Variants in RAB11FIP5 observed in about 807,000 individuals in gnomAD.
RAB11FIP5 encodes the protein RAB11 family interacting protein 5, also known as rab11 family-interacting protein 5.
RAB11FIP5 carries 48 observed loss-of-function variants against 85.1 expected under a neutral mutation model. The ratio of observed to expected loss-of-function variants is 0.56; its 90% CI spans 0.45 to 0.72. The LOEUF is 0.72. Ranked by LOEUF, RAB11FIP5 falls within the 30% of genes least tolerant of loss-of-function variation. The pLI, the probability that RAB11FIP5 is intolerant of heterozygous loss-of-function variation, is 0.00. For synonymous variants in RAB11FIP5, 729 were observed against 727.3 expected (o/e 1.00, Z -0.04); for missense variants, 1,491 against 1,687.0 (o/e 0.88, Z 2.04).
chr2:73,078,818 C>A lies in RAB11FIP5; in HGVS notation c.3581+833G>T, dbSNP rs1683910403. Among the ~76,000 whole-genome samples, 2 of 152,186 alleles carry A rather than the reference C, an allele frequency of 1.3e-5. No homozygotes were observed. Among genetic ancestry groups the A allele is most frequent in the Non-Finnish European group, 2.9e-5 (2 of 68,038 alleles). ...GGGACTTGCTGCCTTCTAAGTCACA[C>A]CCCATCACCTCCCAGTGCCCTGAGT... On this transcript the variant is annotated intron_variant, in intron 4 of 5. Transcript: ENST00000486777. The surrounding 1 kb of genome is among the most constrained non-coding windows in gnomAD (Gnocchi z 4.4).
rs895997251 is a variant in RAB11FIP5 at position 73,080,808 on chromosome 2, A to C, written c.2424T>G (p.Ala808=). 1.6e-6 allele frequency: 2 copies of C among 1,232,286 alleles called. No homozygotes were observed. Among genetic ancestry groups the C allele is most frequent in the Non-Finnish European group, 2.0e-6 (2 of 988,146 alleles). 76.3% of individuals were successfully genotyped at this position (1,232,286 alleles called of 1,614,324 possible). Residue 808 remains alanine, a synonymous_variant, in exon 4 of 6, where the codon GCT becomes GCG. Coordinates refer to ENST00000486777, the MANE Select transcript of RAB11FIP5 (RefSeq NM_001371272.1). ...GGGAGGACTCATCGTCCTGGCCCTC[A>C]GCAGCGCTCTCTGGGCCCGGCAGCC... ...WERLPGPESA[A]EGQDDESSRG...
In RAB11FIP5 at chr2:73,112,577, G is replaced by T. The variant is rs747442851; in HGVS notation, c.201C>A (p.Pro67=). ...TSVVEKTHGC[P]EWREECSFEL... ...CGAAGGAGCACTCCTCACGCCACTC[G>T]GGGCAGCCGTGCGTCTTCTCCACCA... The change falls in exon 1 of 6, where the codon CCC becomes CCA. Residue 67 remains proline, a synonymous_variant. Coordinates refer to ENST00000486777, the MANE Select transcript of RAB11FIP5 (RefSeq NM_001371272.1). The T allele has an allele frequency of 3.1e-6, 5 of 1,592,936 alleles. No homozygotes were observed. The Admixed American group carries it at 6.9e-5, about 22-fold the overall frequency.
rs1683928394 is a variant in RAB11FIP5 at position 73,079,633 on chromosome 2, C to T, written c.3581+18G>A. The T allele has an allele frequency of 8.1e-7, 1 of 1,232,834 alleles. No homozygotes were observed. The highest frequency in any genetic ancestry group is 1.5e-5 in the African/African-American group (1 of 64,544). The allele number at this position is 1,232,834 out of a possible 1,614,324, so 76.4% of individuals were successfully genotyped here. On this transcript the variant is annotated intron_variant, in intron 4 of 5. Transcript: ENST00000486777. ...CACCCCCTTCCTCCTGGACAGTGTT[C>T]TGGGGGTGGATGCTCACCTGGCACT...
At chr2:73,079,574 C>A in intron 4 of RAB11FIP5, 77 bp downstream of exon 4, 1 of 1,229,518 alleles carries the variant, frequency 8.1e-7, no homozygotes, top group Non-Finnish European at 1.0e-6. Flanking sequence ...GGAGTGTGAA[C>A]CCCTCAGTCC....
chr2:73,105,373 G>A (rs143506085), intron 1 of RAB11FIP5, among the ~76,000 whole-genome samples: 43 of 152,284 alleles, frequency 2.8e-4, no homozygotes, highest in African/African-American at 1.0e-3. Context: ...CTCCTGAGTA[G>A]CTGGGACTAC....
At chr2:73,107,391 C>T (rs556135648) in intron 1 of RAB11FIP5, among the ~76,000 whole-genome samples, 66 of 152,262 alleles carry the variant, frequency 4.3e-4, no homozygotes, top group Non-Finnish European at 8.8e-4. Context: ...ACAAGTGGGG[C>T]GGGCAGCTCC....
chr2:73,075,786 TTGCCCGCCC>T lies in RAB11FIP5; in HGVS notation c.3772-71_3772-63del. 4 of 1,364,960 alleles carry T rather than the reference TTGCCCGCCC, an allele frequency of 2.9e-6. No homozygotes were observed. In the East Asian group the frequency reaches 1.0e-4, roughly 35 times the overall value. 84.6% of individuals were successfully genotyped at this position (1,364,960 alleles called of 1,614,324 possible). ...TAGGCCTGCCTGCCTGCCTGCCCGC[TTGCCCGCCC>T]GCCCGCCTGCCCACCAACACCTAAG... On this transcript the variant is annotated intron_variant, in intron 5 of 5. Coordinates refer to ENST00000486777, the MANE Select transcript of RAB11FIP5 (RefSeq NM_001371272.1). This position sits in a 1 kb window ranked among gnomAD's most constrained non-coding sequence, Gnocchi z 4.6.
chr2:73,092,083 T>G (rs1269746234), intron 1 of RAB11FIP5, among the ~76,000 whole-genome samples: 1 of 152,216 alleles, frequency 6.6e-6, no homozygotes, highest in Non-Finnish European at 1.5e-5. Flanking sequence ...GCCTCACACC[T>G]CTACGTTCTC....
intron 1 of RAB11FIP5, among the ~76,000 whole-genome samples, chr2:73,107,657 C>A (rs560728752): frequency 3.7e-4 from 56 of 152,318 alleles, no homozygotes; most frequent in African/African-American, 1.2e-3. Context: ...CACCCCAAGA[C>A]GCTGCTGCTC....
chr2:73,074,563 C>T lies in RAB11FIP5; in HGVS notation c.*958G>A, dbSNP rs1388193166. 6.5e-6 allele frequency: 1 copy of T among 154,856 alleles called. No individual in the cohort carries two copies. Among genetic ancestry groups the T allele is most frequent in the Non-Finnish European group, 1.4e-5 (1 of 69,616 alleles). The allele number at this position is 154,856 out of a possible 1,614,324, so 9.6% of individuals were successfully genotyped here. A position where few individuals can be genotyped will look rare whatever the true frequency, so the allele number is the denominator to read the frequency against. On this transcript the variant is annotated 3_prime_UTR_variant, in exon 6 of 6. Transcript: ENST00000486777. ...TTCAACAGGTGGGAGGGGGACGCCA[C>T]ACAGCGGGAGAGGTCGACATCCAGG...
chr2:73,077,277 G>A (rs1559231720), intron 4 of RAB11FIP5, among the ~76,000 whole-genome samples: 1 of 152,170 alleles, frequency 6.6e-6, no homozygotes, highest in East Asian at 1.9e-4. Flanking sequence ...CACTGGCTCA[G>A]GTCAGAAAGT....
At chr2:73,085,316 T>C (rs181639745) in intron 3 of RAB11FIP5, among the ~76,000 whole-genome samples, 1 of 152,324 alleles carries the variant, frequency 6.6e-6, no homozygotes. Flanking sequence ...ACCACACTTA[T>C]TCCCAACTTT....
chr2:73,076,277 G>T, intron 4 of RAB11FIP5, 95 bp from the exon 5 acceptor site: 1 of 1,226,344 alleles, frequency 8.2e-7, no homozygotes, highest in Non-Finnish European at 1.2e-6. Context: ...AGGTCTGCTG[G>T]ACAGAAAGCC....
In RAB11FIP5 at chr2:73,080,250, G is replaced by A. The variant is rs763318777; in HGVS notation, c.2982C>T (p.Pro994=). The part of the protein sequence containing the change: ...PPVSGPCLSA[P]ASCPEGPAPI... ...GGGCAGGACCCTCAGGGCAGCTGGC[G>A]GGTGCAGACAGGCAGGGCCCAGACA... Residue 994 remains proline (P), a synonymous_variant, in exon 4 of 6, where the codon CCC becomes CCT. Coordinates refer to ENST00000486777, the MANE Select transcript of RAB11FIP5 (RefSeq NM_001371272.1). 36 of 1,232,684 alleles carry A rather than the reference G, an allele frequency of 2.9e-5. No individual in the cohort carries two copies. The highest frequency in any genetic ancestry group is 2.1e-4 in the South Asian group (5 of 24,340). 76.4% of individuals were successfully genotyped at this position (1,232,684 alleles called of 1,614,324 possible).
At chr2:73,085,959 G>A (rs1282027457) in intron 3 of RAB11FIP5, among the ~76,000 whole-genome samples, 1 of 152,154 alleles carries the variant, frequency 6.6e-6, no homozygotes, top group Non-Finnish European at 1.5e-5. Context: ...CTCCAGTTCT[G>A]GGTCTAACCC....
chr2:73,077,732 G>A (rs745521522), intron 4 of RAB11FIP5, among the ~76,000 whole-genome samples: 56 of 152,212 alleles, frequency 3.7e-4, no homozygotes, highest in Non-Finnish European at 4.1e-4. Context: ...AAGCCTTCCT[G>A]ATTCCTCCAG....
At position 73,080,566 on chromosome 2, in the gene RAB11FIP5, C is replaced by A; in HGVS notation, c.2666G>T (p.Trp889Leu). ...PPPEPEPKPE[W>L]VSDKGLQPST... ...GGGCTGCAGCCCCTTGTCAGACACC[C>A]ACTCGGGTTTAGGCTCGGGCTCCGG... The change falls in exon 4 of 6, where the codon TGG (tryptophan) becomes TTG (leucine). Residue 889 changes from tryptophan (W) to leucine (L), a missense_variant. Physicochemically the swap from Trp to Leu is moderately conservative, Grantham distance 61. This residue lies in a region of RAB11FIP5 where 1,211 missense variants were observed against 1,338.0 expected (regional missense o/e 0.91). Transcript: ENST00000486777. The A allele has an allele frequency of 8.1e-7, 1 of 1,232,460 alleles. No homozygotes were observed. The highest frequency in any genetic ancestry group is 1.0e-6 in the Non-Finnish European group (1 of 988,084). 76.3% of individuals were successfully genotyped at this position (1,232,460 alleles called of 1,614,324 possible).
chr2:73,084,388 G>A (rs930912313), intron 3 of RAB11FIP5: 4 of 152,162 alleles, frequency 2.6e-5, no homozygotes, highest in African/African-American at 7.2e-5. Context: ...GTCATGCTCT[G>A]AGAACAAATA....
Position 73,088,768 on chromosome 2 carries a change from G to C in RAB11FIP5, c.869-19C>G. The C allele has an allele frequency of 6.4e-7, 1 of 1,560,472 alleles. No individual in the cohort carries two copies. The highest frequency in any genetic ancestry group is 8.6e-7 in the Non-Finnish European group (1 of 1,157,230). On this transcript the variant is annotated intron_variant, in intron 2 of 5. Transcript: ENST00000486777. ...TCCCTGCCTGCAGGGGAAACACACA[G>C]AGTTAGCTCGCAGGAAGAGAGGCCC...
Sources: allele counts gnomAD v4.1 joint callset (sites outside exome capture counted in the v4.1 genomes callset), GRCh38; gene constraint gnomAD v4.1.1; regional missense constraint gnomAD v4.1.1; non-coding constraint Gnocchi (gnomAD v3.1); transcripts MANE v1.5; gene names NCBI Gene and HGNC (gene_info 2026-07-23, HGNC 2026-07-21).